CADM2: variants seen among roughly 807,000 people sequenced by gnomAD.
CADM2 encodes the protein immunoglobulin superfamily member 4D.
Under a neutral mutation model 49.8 loss-of-function variants are expected in CADM2, and 12 were observed. That is an observed-to-expected ratio of 0.24 (90% CI 0.15 to 0.39). The LOEUF is 0.39. Ranked by LOEUF, CADM2 falls within the 10% of genes least tolerant of loss-of-function variation. CADM2 has a pLI of 1.00. For synonymous variants in CADM2, 214 were observed against 175.4 expected, an observed-to-expected ratio of 1.22 and a Z score of -1.74; for missense variants, 378 against 492.3, an observed-to-expected ratio of 0.77 and a Z score of 2.20.
chr3:85,041,680 TC>T (rs2035447992), intron 1 of CADM2, among the ~76,000 whole-genome samples: 1 of 152,214 alleles, frequency 6.6e-6, no homozygotes, highest in African/African-American at 2.4e-5. Context: ...CTCAGAAGAC[TC>T]TTAAACCAGA....
At chr3:85,099,481 T>C (rs1467721780) in intron 1 of CADM2, among the ~76,000 whole-genome samples, 1 of 151,592 alleles carries the variant, frequency 6.6e-6, no homozygotes, top group East Asian at 1.9e-4. Context: ...TTTTTTTTTT[T>C]TTTTCTGAGA....
intron 1 of CADM2, among the ~76,000 whole-genome samples, chr3:85,333,193 G>A (rs1173926238): frequency 6.6e-6 from 1 of 151,676 alleles, no homozygotes; most frequent in Non-Finnish European, 1.5e-5. Context: ...ATAAAAGAAT[G>A]AATGGATAAC....
chr3:85,108,648 A>G (rs1226952455), intron 1 of CADM2, among the ~76,000 whole-genome samples: 4 of 152,290 alleles, frequency 2.6e-5, no homozygotes, highest in African/African-American at 9.6e-5. Flanking sequence ...ATGCCTAAAA[A>G]TGGTTAAAAC....
At chr3:85,152,945 C>CAG in intron 1 of CADM2, among the ~76,000 whole-genome samples, 1 of 134,412 alleles carries the variant, frequency 7.4e-6, no homozygotes, top group South Asian at 2.3e-4. Context: ...GCCTGGGCTA[C>CAG]AGAGCAAGAC....
intron 8 of CADM2, among the ~76,000 whole-genome samples, chr3:86,037,238 T>C (rs1009394154): frequency 6.6e-6 from 1 of 152,216 alleles, no homozygotes; most frequent in Non-Finnish European, 1.5e-5. Flanking sequence ...CTTGCCCCCA[T>C]ACTTGCTACT....
intron 3 of CADM2, among the ~76,000 whole-genome samples, chr3:85,845,156 A>C (rs1323713729): frequency 1.8e-5 from 1 of 56,854 alleles, no homozygotes; most frequent in Non-Finnish European, 3.0e-5. Flanking sequence ...ACTTAGTCAC[A>C]AAAAAAAAAA....
chr3:85,979,583 T>C (rs1212103992), intron 8 of CADM2, among the ~76,000 whole-genome samples: 3 of 151,636 alleles, frequency 2.0e-5, no homozygotes, highest in Admixed American at 6.6e-5. Flanking sequence ...AGTTTTTGCC[T>C]GTCTTGAGAG....
intron 1 of CADM2, among the ~76,000 whole-genome samples, chr3:85,603,150 C>T (rs2063456636): frequency 6.6e-6 from 1 of 151,868 alleles, no homozygotes; most frequent in African/African-American, 2.4e-5. Flanking sequence ...GCACCTAGCT[C>T]AATGTCTGTC....
chr3:86,027,165 T>C (rs1733999922), intron 8 of CADM2, among the ~76,000 whole-genome samples: 1 of 152,158 alleles, frequency 6.6e-6, no homozygotes, highest in Non-Finnish European at 1.5e-5. Flanking sequence ...CTTAATTGTT[T>C]AGTGTGGATT....
chr3:85,146,270 T>C (rs1193535630), intron 1 of CADM2, among the ~76,000 whole-genome samples: 1 of 152,178 alleles, frequency 6.6e-6, no homozygotes, highest in African/African-American at 2.4e-5. Context: ...AGTAATTGTA[T>C]TATGGTATAT....
chr3:85,952,162 G>A (rs1241815682), intron 7 of CADM2, among the ~76,000 whole-genome samples: 1 of 150,814 alleles, frequency 6.6e-6, no homozygotes, highest in African/African-American at 2.4e-5. Context: ...AATAATTATT[G>A]GACAGGAGAA....
intron 1 of CADM2, among the ~76,000 whole-genome samples, chr3:85,111,292 A>AT (rs1221696997): frequency 6.6e-6 from 1 of 151,814 alleles, no homozygotes; most frequent in Non-Finnish European, 1.5e-5. Context: ...TTTGCTTTAA[A>AT]TTTTTTTAAA....
chr3:85,166,671 A>G (rs2040477533), intron 1 of CADM2, among the ~76,000 whole-genome samples: 1 of 151,966 alleles, frequency 6.6e-6, no homozygotes, highest in Admixed American at 6.6e-5. Flanking sequence ...TCTAAATTCC[A>G]AATGTTTGCC....
intron 8 of CADM2, among the ~76,000 whole-genome samples, chr3:86,042,195 A>C (rs889520964): frequency 1.3e-5 from 2 of 152,200 alleles, no homozygotes; most frequent in Admixed American, 1.3e-4. Flanking sequence ...AAACACATTC[A>C]AAAGCTAGCA....
At chr3:85,104,808 A>G (rs1248500028) in intron 1 of CADM2, among the ~76,000 whole-genome samples, 1 of 151,590 alleles carries the variant, frequency 6.6e-6, no homozygotes, top group East Asian at 1.9e-4. Flanking sequence ...TTGGATTCCT[A>G]GGTATTTTAT....
At chr3:85,469,381 G>A (rs2038665134) in intron 1 of CADM2, among the ~76,000 whole-genome samples, 2 of 152,160 alleles carry the variant, frequency 1.3e-5, no homozygotes, top group Non-Finnish European at 2.9e-5. Context: ...AGTCATCAAT[G>A]TAGACAAGGG....
chr3:85,257,225 C>A (rs2042907273), intron 1 of CADM2, among the ~76,000 whole-genome samples: 1 of 151,932 alleles, frequency 6.6e-6, no homozygotes, highest in South Asian at 2.1e-4. Flanking sequence ...TATTTCTGAC[C>A]CCAAGTATAT....
chr3:85,308,137 A>G (rs2044257989), intron 1 of CADM2, among the ~76,000 whole-genome samples: 1 of 151,828 alleles, frequency 6.6e-6, no homozygotes, highest in African/African-American at 2.4e-5. Context: ...TTGTGTAAAC[A>G]TTTGAGGAAA....
At chr3:85,209,369 T>A (rs2123162) in intron 1 of CADM2, among the ~76,000 whole-genome samples, 1 of 151,766 alleles carries the variant, frequency 6.6e-6, no homozygotes, top group South Asian at 2.1e-4. Context: ...TATTTTTTCT[T>A]TTTTACAGAT....
Sources: gnomAD v4.1 joint callset for allele counts (sites outside exome capture counted in the v4.1 genomes callset) on GRCh38, gnomAD v4.1.1 for gene constraint, MANE v1.5 for transcripts, NCBI Gene and HGNC (gene_info 2026-07-23, HGNC 2026-07-21) for gene names.